KLC2: variants seen among roughly 807,000 people sequenced by gnomAD.
The protein encoded by KLC2 is KLC 2.
A neutral mutation model predicts 75.1 loss-of-function variants in KLC2; 35 were observed. The observed-to-expected ratio is 0.47, with a 90% CI of 0.36 to 0.62. KLC2 has a LOEUF of 0.62. KLC2 is among the 20% of genes least tolerant of loss of function. The pLI, the probability that KLC2 is intolerant of heterozygous loss-of-function variation, is 0.00. For missense variants in KLC2, 611 were observed against 833.2 expected (o/e 0.73, Z 3.28); for synonymous variants, 314 against 336.7 (o/e 0.93, Z 0.74).
At chr11:66,249,469 C>A in the KLC2 span, among the ~76,000 whole-genome samples, 1 of 152,328 alleles carries the variant, frequency 6.6e-6, no homozygotes, top group South Asian at 2.1e-4. Flanking sequence ...ACCCCTTTCA[C>A]CTGCCGTGTC....
the KLC2 span, among the ~76,000 whole-genome samples, chr11:66,245,632 C>T: frequency 2.0e-5 from 3 of 152,018 alleles, no homozygotes; most frequent in Non-Finnish European, 4.4e-5. Flanking sequence ...AGGAGAATCA[C>T]TTGAACTCAG....
the KLC2 span, chr11:66,246,051 T>A: frequency 6.6e-6 from 1 of 152,280 alleles, no homozygotes; most frequent in Non-Finnish European, 1.5e-5. Context: ...ATAGAGAGGC[T>A]TGGGGACCCA....
intron 2 of KLC2, chr11:66,261,314 G>A (rs1856398134): frequency 6.3e-6 from 1 of 158,350 alleles, no homozygotes; most frequent in Non-Finnish European, 1.4e-5. Flanking sequence ...GCAGAAGTGG[G>A]GATGGAGTCT....
At chr11:66,255,378 G>A (rs1418350019), upstream of KLC2, among the ~76,000 whole-genome samples, 1 of 152,138 alleles carries the variant, frequency 6.6e-6, no homozygotes, top group Non-Finnish European at 1.5e-5. Context: ...TTGTAGAGAT[G>A]GGGTTTCACC....
the KLC2 span, among the ~76,000 whole-genome samples, chr11:66,252,030 A>G: frequency 1.3e-5 from 2 of 152,060 alleles, no homozygotes; most frequent in African/African-American, 4.8e-5. Flanking sequence ...ATGGGCACCT[A>G]CGGTCCACAC....
chr11:66,266,533 G>C (rs1199091218), intron 15 of KLC2, 43 bp downstream of exon 15: 2 of 1,567,692 alleles, frequency 1.3e-6, no homozygotes, highest in Non-Finnish European at 1.8e-6. Flanking sequence ...GCTGCGGCCG[G>C]GGCTGCATGC....
chr11:66,265,152 C>T lies in KLC2; in HGVS notation c.1267-16C>T. 1 of 1,612,928 alleles carries T rather than the reference C, an allele frequency of 6.2e-7. No individual in the cohort carries two copies. Among genetic ancestry groups the T allele is most frequent in the Non-Finnish European group, 8.5e-7 (1 of 1,179,026 alleles). The stretch of plus-strand genomic sequence containing the variant: ...GGGGGCCTGCTCTCACTTCTTGTGA[C>T]CATTCTTTCCTCCAGGATAAGCGCC... On this transcript the variant is annotated splice_polypyrimidine_tract_variant and intron_variant, in intron 10 of 15. Coordinates refer to ENST00000394067, the MANE Select transcript of KLC2 (RefSeq NM_001318734.2).
At chr11:66,263,784 C>G in intron 6 of KLC2, 37 bp downstream of exon 6, 2 of 1,604,144 alleles carry the variant, frequency 1.2e-6, no homozygotes, top group South Asian at 2.2e-5. Context: ...GGGCTGTGCC[C>G]CATCCCCTGC....
In KLC2 at chr11:66,261,744, G is replaced by A. The variant is rs772561726; in HGVS notation, c.231G>A (p.Val77=). 1 of 1,609,370 alleles carries A rather than the reference G, an allele frequency of 6.2e-7. No homozygotes were observed. Among genetic ancestry groups the A allele is most frequent in the Admixed American group, 1.7e-5 (1 of 60,006 alleles). The change falls in exon 3 of 16, where the codon GTG becomes GTA. Residue 77 remains valine, a splice_region_variant and synonymous_variant. Transcript: ENST00000394067. The part of the protein sequence containing the change: ...AIELGLGEAQ[V]ILALSSHLGA... ...CCTTACCTGGGCTGGTTGCACAGGTGATCTTGGCATTGTCGAGCCACCTGG... is the reference window on the plus strand; with the variant it reads ...CCTTACCTGGGCTGGTTGCACAGGTAATCTTGGCATTGTCGAGCCACCTGG...
At chr11:66,260,843 C>T (rs542706518) in intron 2 of KLC2, 3 of 152,182 alleles carry the variant, frequency 2.0e-5, no homozygotes, top group African/African-American at 7.2e-5. Context: ...GATCTGTCCG[C>T]CTCAGCCTCC....
chr11:66,246,124 T>C, the KLC2 span: 64 of 152,614 alleles, frequency 4.2e-4, 1 homozygote, highest in Admixed American at 8.5e-4. Context: ...GCCTTCTAAA[T>C]GAGGTGATAG....
Position 66,265,213 on chromosome 11 carries a change from T to C in KLC2, c.1312T>C (p.Tyr438His). ...CCCCTATGGGGAATACGGCAGCTGG[T>C]ACAAGGCCTGTAAAGTAGACAGGTG... is the stretch of plus-strand genomic sequence containing the variant. ...SAPYGEYGSW[Y>H]KACKVDSPTV... Residue 438 changes from tyrosine (Y) to histidine (H), a missense_variant, in exon 11 of 16, where the codon TAC becomes CAC. Physicochemically the swap from Tyr to His is moderately conservative, Grantham distance 83. Coordinates refer to ENST00000394067, the MANE Select transcript of KLC2 (RefSeq NM_001318734.2). The C allele has an allele frequency of 6.6e-7, 1 of 1,508,614 alleles. No individual in the cohort carries two copies. The highest frequency in any genetic ancestry group is 1.1e-5 in the South Asian group (1 of 89,800). 93.5% of individuals were successfully genotyped at this position (1,508,614 alleles called of 1,614,324 possible).
rs765148294 is a variant in KLC2, at chr11:66,265,127, G to T, written c.1267-41G>T. ...TCAGGGGAGGCTGGGATGTGCAGAG[G>T]GGGGCCTGCTCTCACTTCTTGTGAC... On this transcript the variant is annotated intron_variant, in intron 10 of 15. Coordinates refer to ENST00000394067, the MANE Select transcript of KLC2 (RefSeq NM_001318734.2). 53 of 1,610,516 alleles carry T rather than the reference G, an allele frequency of 3.3e-5. No homozygotes were observed. In the Admixed American group the frequency reaches 7.7e-4, roughly 23 times the overall value.
Position 66,265,243 on chromosome 11 carries a change from G to GGGCGA in KLC2, c.1334+12_1334+13insAGGCG, listed in dbSNP as rs1565174968. 1.3e-6 allele frequency: 2 copies of GGGCGA among 1,561,286 alleles called. No individual in the cohort carries two copies. Among genetic ancestry groups the GGGCGA allele is most frequent in the Non-Finnish European group, 1.8e-6 (2 of 1,131,408 alleles). ...GGCCTGTAAAGTAGACAGGTGAGTGGGGCGGGGCTGGGCTGGGGAGCAGGG... is the reference window on the plus strand; with the variant it reads ...GGCCTGTAAAGTAGACAGGTGAGTGGGGCGAGGCGGGGCTGGGCTGGGGAGCAGGG... On this transcript the variant is annotated intron_variant, in intron 11 of 15. Coordinates refer to ENST00000394067, the MANE Select transcript of KLC2 (RefSeq NM_001318734.2).
chr11:66,252,804 A>T (rs1254606653), upstream of KLC2, among the ~76,000 whole-genome samples: 3 of 152,044 alleles, frequency 2.0e-5, no homozygotes, highest in Non-Finnish European at 2.9e-5. Context: ...GAGGGTGCAG[A>T]TTTGCCATAA....
rs998782373 is a variant in KLC2, at chr11:66,258,663, T to C, written c.69T>C (p.Ala23=). The C allele has an allele frequency of 1.2e-6, 2 of 1,614,058 alleles. No individual in the cohort carries two copies. The highest frequency in any genetic ancestry group is 1.7e-6 in the Non-Finnish European group (2 of 1,180,006). The change falls in exon 2 of 16, where the codon GCT becomes GCC. Residue 23 remains alanine, a synonymous_variant. Coordinates refer to ENST00000394067, the MANE Select transcript of KLC2 (RefSeq NM_001318734.2). The part of the protein sequence containing the change: ...SQDEIVLGTK[A]VIQGLETLRG... ...ATGAGATCGTGCTGGGCACCAAGGC[T>C]GTCATCCAGGGACTGGAGACTCTGC...
At chr11:66,261,616 T>A in intron 2 of KLC2, 126 bp from the exon 3 acceptor site, 1 of 616,890 alleles carries the variant, frequency 1.6e-6, no homozygotes, top group Non-Finnish European at 2.9e-6. Flanking sequence ...AGAAAAGACC[T>A]GCAGCTCCTC....
chr11:66,267,600 C>A lies in KLC2; in HGVS notation c.*644C>A. 3.3e-6 allele frequency: 2 copies of A among 606,598 alleles called. No homozygotes were observed. The highest frequency in any genetic ancestry group is 5.5e-5 in the East Asian group (2 of 36,238). 37.6% of individuals were successfully genotyped at this position (606,598 alleles called of 1,614,324 possible). ...CCCAGGACGGGGACCTCCCCTTAGT[C>A]CGTCCTCCCACCGCCGGGCCCTGCC... On this transcript the variant is annotated 3_prime_UTR_variant, in exon 16 of 16. Coordinates refer to ENST00000394067, the MANE Select transcript of KLC2 (RefSeq NM_001318734.2).
chr11:66,262,499 A>T (rs1856505413), intron 4 of KLC2: 2 of 549,270 alleles, frequency 3.6e-6, no homozygotes, highest in East Asian at 6.1e-5. Flanking sequence ...ACATGCAGAC[A>T]GCCACAATGG....
Sources: allele counts gnomAD v4.1 joint callset (sites outside exome capture counted in the v4.1 genomes callset), GRCh38; gene constraint gnomAD v4.1.1; transcripts MANE v1.5; gene names NCBI Gene and HGNC (gene_info 2026-07-23, HGNC 2026-07-21).